ARHGEF10: variants seen among roughly 807,000 people sequenced by gnomAD.
ARHGEF10 encodes the protein Rho guanine nucleotide exchange factor (GEF) 10.
ARHGEF10 carries 140 observed loss-of-function variants against 147.4 expected under a neutral mutation model. The ratio of observed to expected loss-of-function variants is 0.95; its 90% CI spans 0.83 to 1.09. ARHGEF10 has a LOEUF of 1.09. Ranked by LOEUF, ARHGEF10 falls within the 50% of genes least tolerant of loss-of-function variation. The pLI is 0.00. For synonymous variants in ARHGEF10, 902 were observed against 695.8 expected, an observed-to-expected ratio of 1.30 and a Z score of -4.67; for missense variants, 2,222 against 1,752.7, an observed-to-expected ratio of 1.27 and a Z score of -4.78.
intron 2 of ARHGEF10, among the ~76,000 whole-genome samples, chr8:1,851,421 C>T (rs1210136605): frequency 1.3e-5 from 2 of 152,144 alleles, no homozygotes; most frequent in South Asian, 2.1e-4. Context: ...AGGCCTAACA[C>T]ACACCGTGGG....
intron 2 of ARHGEF10, among the ~76,000 whole-genome samples, chr8:1,844,360 A>ATCCAGGGGTCCCTGGGGCCTGGTGGAC (rs1267610717): frequency 6.6e-6 from 1 of 152,100 alleles, no homozygotes; most frequent in Non-Finnish European, 1.5e-5. Context: ...TAGATGACAA[A>ATCCAGGGGTCCCTGGGGCCTGGTGGAC]GACAGGAGAA....
intron 21 of ARHGEF10, among the ~76,000 whole-genome samples, chr8:1,924,290 G>T (rs1041772460): frequency 2.9e-4 from 44 of 152,238 alleles, no homozygotes; most frequent in African/African-American, 1.0e-3. Context: ...CTGGGCTGGG[G>T]GGTTACTAAA....
chr8:1,860,441 T>G (rs1806027516), intron 4 of ARHGEF10, among the ~76,000 whole-genome samples: 1 of 129,506 alleles, frequency 7.7e-6, no homozygotes, highest in Admixed American at 8.2e-5. Flanking sequence ...TTCCGTAGAG[T>G]CTGGGCCTGA....
rs1339251598 is a variant in ARHGEF10, at chr8:1,957,167, G to A, written c.3939G>A (p.Gln1313=). The A allele has an allele frequency of 1.2e-6, 2 of 1,612,650 alleles. No individual in the cohort carries two copies. The highest frequency in any genetic ancestry group is 1.7e-6 in the Non-Finnish European group (2 of 1,180,026). ...CGGCGCTGGTGGTCTGTGGAGGGCA[G>A]GGCCACCGCCGGGTGCACAGGAAGG... is the stretch of plus-strand genomic sequence containing the variant. ...ASSALVVCGG[Q]GHRRVHRKAR... The change falls in exon 29 of 29, where the codon CAG becomes CAA. Residue 1313 remains glutamine (Q), a synonymous_variant. Coordinates refer to ENST00000349830, the MANE Select transcript of ARHGEF10 (RefSeq NM_014629.4).
intron 24 of ARHGEF10, among the ~76,000 whole-genome samples, chr8:1,928,998 G>A (rs1371091851): frequency 1.3e-5 from 2 of 152,178 alleles, no homozygotes; most frequent in African/African-American, 2.4e-5. Context: ...TGATCATACT[G>A]AATTGCTGAC....
chr8:1,882,620 C>A lies in ARHGEF10; in HGVS notation c.961-15C>A. 6.5e-7 allele frequency: 1 copy of A among 1,549,414 alleles called. No individual in the cohort carries two copies. The highest frequency in any genetic ancestry group is 1.2e-5 in the South Asian group (1 of 84,034). ...CTGCCGCCGTCCCGTTCTCACATCT[C>A]CCTCTCCGTCGCAGATGCAGAAGCT... On this transcript the variant is annotated splice_polypyrimidine_tract_variant and intron_variant, in intron 9 of 28. Transcript: ENST00000349830.
intron 15 of ARHGEF10, among the ~76,000 whole-genome samples, chr8:1,900,980 A>G (rs530686259): frequency 6.6e-6 from 1 of 152,080 alleles, no homozygotes; most frequent in Admixed American, 6.6e-5. Flanking sequence ...TCCCTCAGGG[A>G]CACTTTTTGC....
Position 1,956,936 on chromosome 8 carries a change from C to A in ARHGEF10, c.3708C>A (p.Asp1236Glu). The change falls in exon 29 of 29, where the codon GAC becomes GAA. Residue 1236 changes from aspartate (D) to glutamate (E), a missense_variant. Asp to Glu is a conservative substitution (Grantham distance 45). Coordinates refer to ENST00000349830, the MANE Select transcript of ARHGEF10 (RefSeq NM_014629.4). The part of the protein sequence containing the change: ...GGAGSSLSQG[D>E]PDAAIWLGDS... ...CTGGTTCATCTCTGAGCCAGGGTGA[C>A]CCTGACGCAGCCATCTGGTTGGGAG... 1 of 1,614,194 alleles carries A rather than the reference C, an allele frequency of 6.2e-7. No homozygotes were observed. Among genetic ancestry groups the A allele is most frequent in the Non-Finnish European group, 8.5e-7 (1 of 1,180,036 alleles).
chr8:1,890,128 ACGGAG>A (rs1809343682), intron 11 of ARHGEF10, among the ~76,000 whole-genome samples: 7 of 115,996 alleles, frequency 6.0e-5, no homozygotes, highest in African/African-American at 2.0e-4. Flanking sequence ...TTGTGAGAAA[ACGGAG>A]TGGGGTGAGG....
intron 11 of ARHGEF10, among the ~76,000 whole-genome samples, chr8:1,891,331 T>C (rs550118553): frequency 2.8e-4 from 42 of 152,372 alleles, no homozygotes; most frequent in African/African-American, 9.6e-4. Flanking sequence ...TTAATTCTTG[T>C]TCTCCTCTAG....
At position 1,844,319 on chromosome 8, in the gene ARHGEF10, G is replaced by A. The variant is rs74946221; in HGVS notation, c.37+883G>A. On this transcript the variant is annotated intron_variant, in intron 2 of 28. Coordinates refer to ENST00000349830, the MANE Select transcript of ARHGEF10 (RefSeq NM_014629.4). The stretch of plus-strand genomic sequence containing the variant: ...AAAGAGGCAGCCTGGAAGTCAGGCT[G>A]TTCATAAGCAAGTCAGTCACCGGGG... 2.9e-3 allele frequency among the ~76,000 whole-genome samples: 160 copies of A among 54,500 alleles called. 2 individuals carry two copies. In the East Asian group the frequency reaches 0.083, roughly 28 times the overall value. 35.8% of individuals were successfully genotyped at this position (54,500 alleles called of 152,430 possible). A position where few individuals can be genotyped will look rare whatever the true frequency, so the allele number is the denominator to read the frequency against.
rs577288049 is a variant in ARHGEF10 at position 1,840,513 on chromosome 8, G to A, written c.-47-2840G>A. On this transcript the variant is annotated intron_variant, in intron 1 of 28. Coordinates refer to ENST00000349830, the MANE Select transcript of ARHGEF10 (RefSeq NM_014629.4). ...AGCTGTCCGGTGTGGGGACTGTCCG[G>A]TGTGGAATCTGTCCGGTGTGGGGAC... is the stretch of plus-strand genomic sequence containing the variant. Among the ~76,000 whole-genome samples the A allele has an allele frequency of 7.1e-3, 1,039 of 146,502 alleles. 7 individuals carry two copies. Among genetic ancestry groups the A allele is most frequent in the African/African-American group, 0.024 (955 of 39,952 alleles).
chr8:1,957,319 A>G lies in ARHGEF10; in HGVS notation c.*56A>G, dbSNP rs1815665734. 1 of 1,575,590 alleles carries G rather than the reference A, an allele frequency of 6.3e-7. No individual in the cohort carries two copies. Among genetic ancestry groups the G allele is most frequent in the Non-Finnish European group, 8.6e-7 (1 of 1,164,246 alleles). ...TGCAATCAAGGGTGACTTCTCAGCT[A>G]ATCCTACAGCCTGAGTGGTTAAGCT... On this transcript the variant is annotated 3_prime_UTR_variant, in exon 29 of 29. Coordinates refer to ENST00000349830, the MANE Select transcript of ARHGEF10 (RefSeq NM_014629.4).
chr8:1,915,405 G>A (rs1250651806), intron 18 of ARHGEF10, among the ~76,000 whole-genome samples: 1 of 152,192 alleles, frequency 6.6e-6, no homozygotes, highest in Admixed American at 6.5e-5. Flanking sequence ...CACAAAATGA[G>A]AGCCCATTAA....
intron 1 of ARHGEF10, among the ~76,000 whole-genome samples, chr8:1,833,315 A>G (rs62477475): frequency 1.2e-4 from 15 of 122,456 alleles, no homozygotes; most frequent in Middle Eastern, 4.3e-3. Context: ...CAGAGACAGA[A>G]GCAGAGGGAG....
chr8:1,938,096 T>C (rs887221388), intron 26 of ARHGEF10, among the ~76,000 whole-genome samples: 2 of 152,190 alleles, frequency 1.3e-5, no homozygotes, highest in Non-Finnish European at 2.9e-5. Context: ...AGACATGCCA[T>C]GGACGCTGAG....
chr8:1,890,635 A>AG (rs1253206482), intron 11 of ARHGEF10, among the ~76,000 whole-genome samples: 1 of 126,500 alleles, frequency 7.9e-6, no homozygotes, highest in Non-Finnish European at 1.7e-5. Flanking sequence ...CACTGAGTGC[A>AG]GTGAGGGTTG....
chr8:1,833,270 A>C (rs996015544), intron 1 of ARHGEF10, among the ~76,000 whole-genome samples: 32 of 147,014 alleles, frequency 2.2e-4, no homozygotes, highest in Non-Finnish European at 3.6e-4. Context: ...AGGCAGAGGC[A>C]GAGACAGAGG....
At chr8:1,934,392 C>T (rs1813406951) in intron 26 of ARHGEF10, among the ~76,000 whole-genome samples, 1 of 151,200 alleles carries the variant, frequency 6.6e-6, no homozygotes, top group African/African-American at 2.4e-5. Flanking sequence ...AAGAAAATTC[C>T]TTCTAGATTT....
Sources: allele counts gnomAD v4.1 joint callset (sites outside exome capture counted in the v4.1 genomes callset), GRCh38; gene constraint gnomAD v4.1.1; transcripts MANE v1.5; gene names NCBI Gene and HGNC (gene_info 2026-07-23, HGNC 2026-07-21).